Variants in PTPRD observed in about 807,000 individuals in gnomAD.
PTPRD encodes receptor-type tyrosine-protein phosphatase delta.
A neutral mutation model predicts 214.5 loss-of-function variants in PTPRD; 34 were observed. The observed-to-expected ratio is 0.16, with a 90% CI of 0.12 to 0.21. The LOEUF is 0.21. PTPRD is among the 10% of genes least tolerant of loss of function. The pLI, the probability that PTPRD is intolerant of heterozygous loss-of-function variation, is 1.00. For synonymous variants in PTPRD, 1,128 were observed against 845.7 expected (o/e 1.33, Z -5.79); for missense variants, 2,545 against 2,398.7 (o/e 1.06, Z -1.27).
At chr9:9,919,394 T>C (rs925706705) in intron 5 of PTPRD, among the ~76,000 whole-genome samples, 7 of 152,116 alleles carry the variant, frequency 4.6e-5, no homozygotes, top group Non-Finnish European at 8.8e-5. Flanking sequence ...AAGGAATGTA[T>C]CTTTCAACTC....
chr9:8,717,238 G>A (rs547817650), intron 12 of PTPRD, among the ~76,000 whole-genome samples: 1 of 152,166 alleles, frequency 6.6e-6, no homozygotes, highest in African/African-American at 2.4e-5. Context: ...CCGTATCAAT[G>A]TGCATTAGGT....
At chr9:10,079,251 C>G (rs1038425499) in intron 3 of PTPRD, among the ~76,000 whole-genome samples, 3 of 152,108 alleles carry the variant, frequency 2.0e-5, no homozygotes, top group Admixed American at 6.6e-5. Flanking sequence ...CTAGGCTGAT[C>G]TGATCCAGAC....
Position 9,312,586 on chromosome 9 carries a change from G to A in PTPRD, c.-203+84863C>T, listed in dbSNP as rs562651598. On this transcript the variant is annotated intron_variant, in intron 9 of 45. Transcript: ENST00000381196. Reference sequence around the variant, plus strand: ...AGATGTGCATGTTAGGTGAATTGGTGTGTCTAAATAGTCACAGTGAGTGAA... The same window carrying A: ...AGATGTGCATGTTAGGTGAATTGGTATGTCTAAATAGTCACAGTGAGTGAA... Among the ~76,000 whole-genome samples, 306 of 152,232 alleles carry A rather than the reference G, an allele frequency of 2.0e-3. 2 individuals carry two copies. Among genetic ancestry groups the A allele is most frequent in the African/African-American group, 6.8e-3 (282 of 41,540 alleles).
At chr9:9,236,212 C>G (rs1299334715) in intron 9 of PTPRD, among the ~76,000 whole-genome samples, 1 of 152,086 alleles carries the variant, frequency 6.6e-6, no homozygotes, top group Non-Finnish European at 1.5e-5. Context: ...GAGACTGTGC[C>G]ATTGCACTCC....
intron 10 of PTPRD, among the ~76,000 whole-genome samples, chr9:9,170,983 T>C (rs549521511): frequency 6.6e-6 from 1 of 152,270 alleles, no homozygotes; most frequent in South Asian, 2.1e-4. Flanking sequence ...GGTTACAGGC[T>C]CCTCTACATC....
intron 12 of PTPRD, among the ~76,000 whole-genome samples, chr9:8,708,679 CAAAAAAAAAAA>C (rs765081509): frequency 3.0e-4 from 12 of 39,412 alleles, no homozygotes; most frequent in African/African-American, 9.8e-4. Flanking sequence ...GACTCTGTCT[CAAAAAAAAAAA>C]AAAAAAAAAA....
At chr9:9,770,265 A>T (rs1218283863) in intron 5 of PTPRD, among the ~76,000 whole-genome samples, 3 of 152,164 alleles carry the variant, frequency 2.0e-5, no homozygotes, top group Non-Finnish European at 4.4e-5. Flanking sequence ...TACTTTCCAG[A>T]ATCTGTAGTT....
At chr9:9,148,340 T>G (rs1160434924) in intron 10 of PTPRD, among the ~76,000 whole-genome samples, 1 of 152,162 alleles carries the variant, frequency 6.6e-6, no homozygotes, top group Non-Finnish European at 1.5e-5. Context: ...ACTTGGTTTA[T>G]ACAGAAGAAA....
At chr9:10,096,664 A>G (rs1295129218) in intron 3 of PTPRD, among the ~76,000 whole-genome samples, 9 of 152,064 alleles carry the variant, frequency 5.9e-5, no homozygotes, top group East Asian at 5.8e-4. Context: ...AGTAGGTTGC[A>G]AAAATTCTCT....
intron 3 of PTPRD, among the ~76,000 whole-genome samples, chr9:10,218,717 G>A (rs1412455809): frequency 6.6e-6 from 1 of 151,714 alleles, no homozygotes; most frequent in Admixed American, 6.6e-5. Flanking sequence ...CTGGTATAAA[G>A]TTCACCAAAT....
rs1256860539 is a variant in PTPRD at position 9,498,068 on chromosome 9, G to T, written c.-237+76664C>A. 3.3e-5 allele frequency among the ~76,000 whole-genome samples: 5 copies of T among 152,058 alleles called. No individual in the cohort carries two copies. In the South Asian group the frequency reaches 1.0e-3, roughly 31 times the overall value. On this transcript the variant is annotated intron_variant, in intron 8 of 45. Transcript: ENST00000381196. ...AAAGGGATCTTTAAGTGTTTTAATT[G>T]GAATCCATGAAGGAGCCAGGAAGCA...
In PTPRD at chr9:8,455,650, T is replaced by A. The variant is rs189691973; in HGVS notation, c.3875+4761A>T. On this transcript the variant is annotated intron_variant, in intron 33 of 45. Coordinates refer to ENST00000381196, the MANE Select transcript of PTPRD (RefSeq NM_002839.4). ...CATTTAAATGGTACAAACACACACA[T>A]ACAAAGTAAATGATGAAAATGATAT... is the stretch of plus-strand genomic sequence containing the variant. Among the ~76,000 whole-genome samples the A allele has an allele frequency of 2.0e-5, 3 of 152,334 alleles. No homozygotes were observed. In the East Asian group the frequency reaches 5.8e-4, roughly 29 times the overall value.
At chr9:10,403,227 A>T (rs866394525) in intron 2 of PTPRD, among the ~76,000 whole-genome samples, 5 of 59,876 alleles carry the variant, frequency 8.4e-5, no homozygotes, top group South Asian at 4.7e-4. Flanking sequence ...TGTGTGTGTA[A>T]ATATATATAT....
intron 3 of PTPRD, among the ~76,000 whole-genome samples, chr9:10,038,805 T>A (rs2097239943): frequency 6.6e-6 from 1 of 152,064 alleles, no homozygotes; most frequent in African/African-American, 2.4e-5. Context: ...GGGTATAAAA[T>A]GTTGTATTAT....
rs201460371 is a variant in PTPRD at position 9,445,048 on chromosome 9, AAATAAATG to A, written c.-236-47574_-236-47567del. 7.3e-3 allele frequency among the ~76,000 whole-genome samples: 1,117 copies of A among 152,310 alleles called. 10 individuals are homozygous for A. The highest frequency in any genetic ancestry group is 0.026 in the African/African-American group (1,080 of 41,574). Reference sequence around the variant, plus strand: ...AAAAATGAGTGAGCAACAAACACACAAATAAATGAATTGGCATGTGATATGACAATTTG... The same window carrying A: ...AAAAATGAGTGAGCAACAAACACACAAATTGGCATGTGATATGACAATTTG... On this transcript the variant is annotated intron_variant, in intron 8 of 45. Coordinates refer to ENST00000381196, the MANE Select transcript of PTPRD (RefSeq NM_002839.4).
intron 5 of PTPRD, among the ~76,000 whole-genome samples, chr9:9,813,556 G>C (rs952565651): frequency 6.6e-6 from 1 of 152,004 alleles, no homozygotes; most frequent in African/African-American, 2.4e-5. Flanking sequence ...TAGCCTACTA[G>C]AACTGAGTAA....
intron 7 of PTPRD, among the ~76,000 whole-genome samples, chr9:9,607,156 G>C (rs1302450340): frequency 6.6e-6 from 1 of 151,868 alleles, no homozygotes; most frequent in African/African-American, 2.4e-5. Context: ...GCACATCAAA[G>C]CCCTCTGAGG....
At chr9:8,434,662 T>C (rs878985202) in intron 35 of PTPRD, among the ~76,000 whole-genome samples, 5 of 152,286 alleles carry the variant, frequency 3.3e-5, no homozygotes, top group Admixed American at 2.6e-4. Context: ...AGCAGGGCTA[T>C]GAAAAAATAT....
At chr9:8,830,359 G>A (rs776297114) in intron 11 of PTPRD, among the ~76,000 whole-genome samples, 9 of 151,992 alleles carry the variant, frequency 5.9e-5, no homozygotes, top group Non-Finnish European at 8.8e-5. Context: ...AATAATCAAA[G>A]GATTAAAAGA....
Sources: gnomAD v4.1 joint callset for allele counts (sites outside exome capture counted in the v4.1 genomes callset) on GRCh38, gnomAD v4.1.1 for gene constraint, MANE v1.5 for transcripts, NCBI Gene and HGNC (gene_info 2026-07-23, HGNC 2026-07-21) for gene names.